The following SFSWAP variants were observed in gnomAD, a reference collection of about 807,000 sequenced individuals.
SFSWAP encodes splicing factor SWAP.
In SFSWAP, 17 loss-of-function variants were observed where a neutral mutation model predicts 100.7. That is an observed-to-expected ratio of 0.17 (90% CI 0.12 to 0.25). SFSWAP has a LOEUF of 0.25. SFSWAP is among the 10% of genes least tolerant of loss of function. SFSWAP has a pLI of 1.00. For missense variants in SFSWAP, 1,005 were observed against 1,262.6 expected, an observed-to-expected ratio of 0.80 and a Z score of 3.09; for synonymous variants, 504 against 510.1, an observed-to-expected ratio of 0.99 and a Z score of 0.16.
intron 15 of SFSWAP, among the ~76,000 whole-genome samples, chr12:131,788,396 A>G (rs1265318789): frequency 6.6e-6 from 1 of 152,220 alleles, no homozygotes; most frequent in East Asian, 1.9e-4. Flanking sequence ...GCGGAGTGTT[A>G]AACTGTGATT....
intron 7 of SFSWAP, among the ~76,000 whole-genome samples, chr12:131,738,885 C>CTTTTTTTTTTATTTTTATTTTTTTTTT (rs1880307077): frequency 2.1e-5 from 1 of 48,718 alleles, no homozygotes. Context: ...GAACATTATT[C>CTTTTTTTTTTATTTTTATTTTTTTTTT]TTTTTTTTTT....
intron 3 of SFSWAP, among the ~76,000 whole-genome samples, chr12:131,716,151 G>T (rs1877891528): frequency 1.3e-5 from 2 of 152,188 alleles, no homozygotes; most frequent in Admixed American, 1.3e-4. Flanking sequence ...TAGGACGTGG[G>T]GCAAACGCAC....
intron 13 of SFSWAP, among the ~76,000 whole-genome samples, chr12:131,770,054 T>C (rs1178497116): frequency 6.6e-6 from 1 of 152,244 alleles, no homozygotes; most frequent in Non-Finnish European, 1.5e-5. Flanking sequence ...ATAAATGTCT[T>C]TAATTGCTTC....
chr12:131,738,885 CTTT>C (rs71072785), intron 7 of SFSWAP, among the ~76,000 whole-genome samples: 8,576 of 48,190 alleles, frequency 0.18, 321 homozygotes, highest in Middle Eastern at 0.32. Flanking sequence ...GAACATTATT[CTTT>C]TTTTTTTTTT....
intron 13 of SFSWAP, among the ~76,000 whole-genome samples, chr12:131,770,261 T>C (rs945508494): frequency 1.3e-5 from 2 of 152,234 alleles, no homozygotes; most frequent in Non-Finnish European, 2.9e-5. Context: ...CCAGGAGGAC[T>C]TGAGACAAGA....
intron 4 of SFSWAP, chr12:131,723,266 A>G (rs1878655810): frequency 6.6e-6 from 1 of 152,152 alleles, no homozygotes. Flanking sequence ...AGGACTCTTG[A>G]CGTCTAATGA....
chr12:131,789,581 G>T (rs1432173381), intron 15 of SFSWAP, among the ~76,000 whole-genome samples: 2 of 152,072 alleles, frequency 1.3e-5, no homozygotes, highest in African/African-American at 4.8e-5. Flanking sequence ...AAAATCTGTA[G>T]CTCAGTTCCA....
intron 15 of SFSWAP, among the ~76,000 whole-genome samples, chr12:131,792,790 C>A (rs950133018): frequency 6.6e-6 from 1 of 152,258 alleles, no homozygotes; most frequent in Non-Finnish European, 1.5e-5. Flanking sequence ...CAAGTTGACG[C>A]AGAGATGCAG....
chr12:131,787,493 C>T (rs1884976908), intron 15 of SFSWAP, among the ~76,000 whole-genome samples: 1 of 152,198 alleles, frequency 6.6e-6, no homozygotes, highest in East Asian at 1.9e-4. Flanking sequence ...TTTTGTGTCC[C>T]CATGTGGAGT....
intron 7 of SFSWAP, among the ~76,000 whole-genome samples, chr12:131,736,301 T>C (rs1376749920): frequency 6.6e-6 from 1 of 152,206 alleles, no homozygotes; most frequent in African/African-American, 2.4e-5. Flanking sequence ...CACTTCCAGA[T>C]GTAAATGCCA....
chr12:131,771,733 G>T (rs1430490399), intron 13 of SFSWAP, among the ~76,000 whole-genome samples: 2 of 146,116 alleles, frequency 1.4e-5, no homozygotes, highest in Admixed American at 7.2e-5. Flanking sequence ...GGCTCAATTG[G>T]CTCACTGCAA....
rs758703880 is a variant in SFSWAP at position 131,725,425 on chromosome 12, C to T, written c.627C>T (p.His209=). 7 of 1,614,172 alleles carry T rather than the reference C, an allele frequency of 4.3e-6. No individual in the cohort carries two copies. The East Asian group carries it at 6.7e-5, about 15-fold the overall frequency. The change falls in exon 5 of 18, where the codon CAC becomes CAT. Residue 209 remains histidine, a synonymous_variant. Transcript: ENST00000261674. The surrounding 1 kb of genome is among the most constrained non-coding windows in gnomAD (Gnocchi z 4.3). ...DVELPPTAKM[H]AIIERTASFV... ...CGTAGCCACCAACCGCTAAAATGCA[C>T]GCCATCATCGAGCGCACGGCCAGCT...
chr12:131,715,107 G>A (rs1026415187), intron 3 of SFSWAP, among the ~76,000 whole-genome samples, 154 bp downstream of exon 3: 1 of 152,182 alleles, frequency 6.6e-6, no homozygotes. Flanking sequence ...CCTTCTTTTG[G>A]TAAAACGAAG....
rs1273822875 is a variant in SFSWAP at position 131,797,312 on chromosome 12, C to G, written c.2669C>G (p.Ala890Gly). 2 of 1,611,336 alleles carry G rather than the reference C, an allele frequency of 1.2e-6. No individual in the cohort carries two copies. The highest frequency in any genetic ancestry group is 1.1e-5 in the South Asian group (1 of 90,940). Residue 890 changes from alanine (A) to glycine (G), a missense_variant, in exon 16 of 18, where the codon GCC becomes GGC. Physicochemically the swap from Ala to Gly is moderately conservative, Grantham distance 60. Transcript: ENST00000261674. ...AAPAAHSAHS[A>G]SVSPVESRGS... ...CCCGCGGCCCACTCGGCGCACTCAG[C>G]CAGCGTCTCCCCTGTGGAGAGTCGG...
chr12:131,789,184 G>T (rs1320921531), intron 15 of SFSWAP, among the ~76,000 whole-genome samples: 1 of 152,074 alleles, frequency 6.6e-6, no homozygotes, highest in Non-Finnish European at 1.5e-5. Flanking sequence ...GTTTTGCCAT[G>T]TTGCCCAGGA....
intron 11 of SFSWAP, among the ~76,000 whole-genome samples, chr12:131,762,319 G>A (rs1882745908): frequency 6.6e-6 from 1 of 152,198 alleles, no homozygotes; most frequent in African/African-American, 2.4e-5. Flanking sequence ...GCTCAGGCAG[G>A]AGGATTGCTT....
chr12:131,773,907 G>A (rs974954305), intron 13 of SFSWAP, among the ~76,000 whole-genome samples: 2 of 152,174 alleles, frequency 1.3e-5, no homozygotes, highest in Non-Finnish European at 2.9e-5. Context: ...GGGCTCAGGC[G>A]AGGCCTTGAG....
chr12:131,745,745 T>C (rs1382472772), intron 7 of SFSWAP, among the ~76,000 whole-genome samples: 1 of 151,874 alleles, frequency 6.6e-6, no homozygotes, highest in African/African-American at 2.4e-5. Flanking sequence ...AATGAAACTT[T>C]TAGTAAGGCT....
At chr12:131,752,511 A>G (rs1881751296) in intron 7 of SFSWAP, among the ~76,000 whole-genome samples, 1 of 152,260 alleles carries the variant, frequency 6.6e-6, no homozygotes, top group Non-Finnish European at 1.5e-5. Flanking sequence ...GGAAAGGTCC[A>G]GACACAGCCT....
Sources: gnomAD v4.1 joint callset for allele counts (sites outside exome capture counted in the v4.1 genomes callset) on GRCh38, gnomAD v4.1.1 for gene constraint, Gnocchi (gnomAD v3.1) non-coding constraint, MANE v1.5 for transcripts, NCBI Gene and HGNC (gene_info 2026-07-23, HGNC 2026-07-21) for gene names.